EEA1: variants seen among roughly 807,000 people sequenced by gnomAD.
The protein encoded by EEA1 is early endosome antigen 1.
Under a neutral mutation model 209.2 loss-of-function variants are expected in EEA1, and 111 were observed. The ratio of observed to expected loss-of-function variants is 0.53; its 90% confidence interval spans 0.45 to 0.62. The LOEUF is 0.62. Among genes scored for constraint, EEA1 ranks in the 20% least tolerant of loss-of-function variants. EEA1 has a pLI of 0.00. For missense variants in EEA1, 1,343 were observed against 1,530.8 expected (o/e 0.88, Z 2.05); for synonymous variants, 536 against 540.6 (o/e 0.99, Z 0.12).
At position 92,780,224 on chromosome 12, in the gene EEA1, T is replaced by G. The variant is rs1259996788; in HGVS notation, c.3468+56A>C. On this transcript the variant is annotated intron_variant, in intron 24 of 28. Coordinates refer to ENST00000322349, the MANE Select transcript of EEA1 (RefSeq NM_003566.4). ...AAATAAATATGTATGGGTATATATA[T>G]TTCTTTAAAGAGCAATATAACACAG... is the stretch of plus-strand genomic sequence containing the variant. The G allele has an allele frequency of 2.0e-6, 3 of 1,523,632 alleles. No individual in the cohort carries two copies. The Admixed American group carries it at 6.9e-5, about 35-fold the overall frequency. The allele number at this position is 1,523,632 out of a possible 1,614,324, so 94.4% of individuals were successfully genotyped here.
chr12:92,874,715 T>A (rs769881584), intron 2 of EEA1, among the ~76,000 whole-genome samples: 7 of 152,238 alleles, frequency 4.6e-5, no homozygotes, highest in Non-Finnish European at 1.0e-4. Flanking sequence ...TTTACTCTTG[T>A]TTTTCACTGT....
chr12:92,901,591 G>T (rs576692803), intron 1 of EEA1, among the ~76,000 whole-genome samples: 1 of 150,694 alleles, frequency 6.6e-6, no homozygotes, highest in Non-Finnish European at 1.5e-5. Context: ...TTTTGAGACG[G>T]AGTTTCACTC....
In EEA1 at chr12:92,777,550, G is replaced by A; in HGVS notation, c.4007C>T (p.Ser1336Leu). ...TATCCATAGGTGACTGACCTGAAGTGATTGGTTTTCTCTGCCCAGCTCCTG... is the reference window on the plus strand; with the variant it reads ...TATCCATAGGTGACTGACCTGAAGTAATTGGTTTTCTCTGCCCAGCTCCTG... Reference protein sequence around the residue: ...AVQELGRENQSLQIKHTQALN... With the variant: ...AVQELGRENQLLQIKHTQALN... The change falls in exon 27 of 29, where the codon TCA (serine) becomes TTA (leucine). Residue 1336 changes from serine (S) to leucine (L), a missense_variant. Ser to Leu is a moderately radical substitution (Grantham distance 145, BLOSUM62 -2). This residue lies in a region of EEA1 where 1,307 missense variants were observed against 1,465.5 expected (regional missense o/e 0.89). Transcript: ENST00000322349. The A allele has an allele frequency of 6.2e-7, 1 of 1,611,550 alleles. No individual in the cohort carries two copies. The highest frequency in any genetic ancestry group is 8.5e-7 in the Non-Finnish European group (1 of 1,178,398).
In EEA1 at chr12:92,819,324, T is replaced by C. The variant is rs1200330650; in HGVS notation, c.1712A>G (p.His571Arg). 33 of 1,610,112 alleles carry C rather than the reference T, an allele frequency of 2.0e-5. No individual in the cohort carries two copies. The highest frequency in any genetic ancestry group is 2.5e-5 in the Non-Finnish European group (30 of 1,178,524). Residue 571 changes from histidine to arginine, a missense_variant, in exon 14 of 29, where the codon CAT becomes CGT. Physicochemically the swap from His to Arg is conservative, Grantham distance 29. Transcript: ENST00000322349. The stretch of plus-strand genomic sequence containing the variant: ...CAAGCTTACTTGCTCCTGTAGTGTA[T>C]GGTTTTTTTCTTGTAACTGGTTAAG... ...AVLNQLQEKNHTLQEQVTQLT... is the reference protein window; with the variant it reads ...AVLNQLQEKNRTLQEQVTQLT...
chr12:92,859,020 C>T, intron 3 of EEA1: 2 of 684,878 alleles, frequency 2.9e-6, no homozygotes, highest in Non-Finnish European at 5.3e-6. Flanking sequence ...GAGGTCTGTG[C>T]AGAACGGTTC....
chr12:92,793,859 A>G (rs1383501146), intron 21 of EEA1, among the ~76,000 whole-genome samples: 1 of 152,168 alleles, frequency 6.6e-6, no homozygotes, highest in Admixed American at 6.5e-5. Context: ...CAATGACAAC[A>G]AAAGACAAAA....
At position 92,873,727 on chromosome 12, in the gene EEA1, T is replaced by C. The variant is rs146381945; in HGVS notation, c.118-8740A>G. Among the ~76,000 whole-genome samples, 171 of 152,314 alleles carry C rather than the reference T, an allele frequency of 1.1e-3. 7 individuals are homozygous for C. In the East Asian group the frequency reaches 0.029, roughly 26 times the overall value. ...TCTTAGTAGCTATGAGACCTTCAAT[T>C]GCCTCATCTGTTAAGTGGAATAACA... On this transcript the variant is annotated intron_variant, in intron 2 of 28. Coordinates refer to ENST00000322349, the MANE Select transcript of EEA1 (RefSeq NM_003566.4).
chr12:92,879,326 A>G (rs1467086299), intron 2 of EEA1: 1 of 447,174 alleles, frequency 2.2e-6, no homozygotes, highest in Admixed American at 2.4e-5. Context: ...ATTTTGCAGC[A>G]TTTCGGATTT....
chr12:92,903,807 C>T (rs1880251955), intron 1 of EEA1, among the ~76,000 whole-genome samples: 1 of 151,806 alleles, frequency 6.6e-6, no homozygotes, highest in African/African-American at 2.4e-5. Context: ...TCATATAAGA[C>T]CAATGAGTTT....
intron 1 of EEA1, among the ~76,000 whole-genome samples, chr12:92,899,356 G>GCTTTAGAGAGGCTGCA (rs1342832133): frequency 6.6e-6 from 1 of 152,206 alleles, no homozygotes; most frequent in Non-Finnish European, 1.5e-5. Flanking sequence ...TTTGCTACAG[G>GCTTTAGAGAGGCTGCA]CTTTAGAGAG....
intron 11 of EEA1, among the ~76,000 whole-genome samples, chr12:92,830,700 T>C (rs1876587858): frequency 6.6e-6 from 1 of 152,042 alleles, no homozygotes; most frequent in Non-Finnish European, 1.5e-5. Flanking sequence ...AAAAGAAGGG[T>C]AAATTGCTGA....
chr12:92,799,225 G>A, intron 20 of EEA1, 139 bp from the exon 21 acceptor site: 2 of 657,198 alleles, frequency 3.0e-6, no homozygotes, highest in Non-Finnish European at 4.7e-6. Context: ...TACACTCCAG[G>A]CACTACTCTA....
intron 9 of EEA1, among the ~76,000 whole-genome samples, chr12:92,848,246 T>C (rs1877462250): frequency 6.7e-6 from 1 of 149,030 alleles, no homozygotes; most frequent in Admixed American, 6.7e-5. Context: ...AAAAAAAAAA[T>C]CACCATTTCT....
chr12:92,878,001 T>C (rs1878987694), intron 2 of EEA1, among the ~76,000 whole-genome samples: 1 of 152,202 alleles, frequency 6.6e-6, no homozygotes, highest in Non-Finnish European at 1.5e-5. Context: ...ATTCAGGGAA[T>C]GGCCTGATCT....
chr12:92,858,599 C>T (rs1877992266), intron 3 of EEA1: 1 of 743,536 alleles, frequency 1.3e-6, no homozygotes, highest in African/African-American at 1.7e-5. Flanking sequence ...CATAATGGCA[C>T]TTTGCCTGGG....
chr12:92,814,324 C>A (rs538838024), intron 15 of EEA1, among the ~76,000 whole-genome samples: 1 of 152,122 alleles, frequency 6.6e-6, no homozygotes, highest in Non-Finnish European at 1.5e-5. Flanking sequence ...CTTTAAACAA[C>A]ACATAGTAAA....
intron 1 of EEA1, among the ~76,000 whole-genome samples, chr12:92,925,793 G>A (rs1247066406): frequency 6.6e-6 from 1 of 152,132 alleles, no homozygotes; most frequent in African/African-American, 2.4e-5. Flanking sequence ...GACAAAAGCA[G>A]GAGAACCAGA....
intron 14 of EEA1, among the ~76,000 whole-genome samples, chr12:92,817,733 C>A (rs763702753): frequency 6.6e-6 from 1 of 152,090 alleles, no homozygotes; most frequent in South Asian, 2.1e-4. Context: ...TGACCACTCT[C>A]GATTTTGTTG....
At chr12:92,799,217 C>T (rs1471366101) in intron 20 of EEA1, 131 bp from the exon 21 acceptor site, 5 of 679,474 alleles carry the variant, frequency 7.4e-6, no homozygotes, top group Non-Finnish European at 1.1e-5. Flanking sequence ...GTAACTACTA[C>T]ACTCCAGGCA....
Sources: allele counts gnomAD v4.1 joint callset (sites outside exome capture counted in the v4.1 genomes callset), GRCh38; gene constraint gnomAD v4.1.1; regional missense constraint gnomAD v4.1.1; transcripts MANE v1.5; gene names NCBI Gene and HGNC (gene_info 2026-07-23, HGNC 2026-07-21).